JAKMIP2: variants seen among roughly 807,000 people sequenced by gnomAD.
JAKMIP2 encodes janus kinase and microtubule-interacting protein 2.
In JAKMIP2, 25 loss-of-function variants were observed where a neutral mutation model predicts 115.0. The ratio of observed to expected loss-of-function variants is 0.22; its 90% confidence interval spans 0.16 to 0.30. The LOEUF (loss-of-function observed/expected upper bound fraction) is 0.30. Ranked by LOEUF, JAKMIP2 falls within the 10% of genes least tolerant of loss-of-function variation. The probability of loss-of-function intolerance (pLI) is 1.00; values close to 1 mark genes in which losing one functional copy is unlikely to be tolerated. For missense variants in JAKMIP2, 642 were observed against 957.6 expected (o/e 0.67, Z 4.35); for synonymous variants, 334 against 343.6 (o/e 0.97, Z 0.31).
intron 1 of JAKMIP2, among the ~76,000 whole-genome samples, chr5:147,762,349 T>G (rs1284954717): frequency 1.3e-5 from 2 of 152,162 alleles, no homozygotes; most frequent in African/African-American, 2.4e-5. Context: ...TTTCTCCTAT[T>G]ATTTAATGAT....
intron 17 of JAKMIP2, among the ~76,000 whole-genome samples, 188 bp from the exon 18 acceptor site, chr5:147,620,931 G>A (rs992704074): frequency 1.3e-5 from 2 of 152,120 alleles, no homozygotes. Flanking sequence ...GAAAATCAAT[G>A]GAAAGCAGCA....
chr5:147,644,368 A>G (rs964738864), intron 6 of JAKMIP2, among the ~76,000 whole-genome samples, 170 bp from the exon 7 acceptor site: 1 of 152,234 alleles, frequency 6.6e-6, no homozygotes, highest in Admixed American at 6.5e-5. Flanking sequence ...ATCTGCCATA[A>G]TAAGTCATTA....
chr5:147,769,639 T>C (rs1023639954), intron 1 of JAKMIP2, among the ~76,000 whole-genome samples: 3 of 152,066 alleles, frequency 2.0e-5, no homozygotes, highest in Non-Finnish European at 4.4e-5. Context: ...AGAATGTCAA[T>C]TGCATTAATT....
chr5:147,688,117 A>G (rs894936749), intron 1 of JAKMIP2, among the ~76,000 whole-genome samples: 2 of 152,232 alleles, frequency 1.3e-5, no homozygotes, highest in Non-Finnish European at 2.9e-5. Flanking sequence ...GAACTCTCAG[A>G]TGACTTACAA....
At chr5:147,628,059 G>A (rs1757185921) in intron 16 of JAKMIP2, among the ~76,000 whole-genome samples, 1 of 151,140 alleles carries the variant, frequency 6.6e-6, no homozygotes, top group African/African-American at 2.4e-5. Context: ...TGCCTAGGCT[G>A]AAGTACAGTG....
At chr5:147,642,831 G>A (rs866335266) in intron 7 of JAKMIP2, among the ~76,000 whole-genome samples, 12 of 152,226 alleles carry the variant, frequency 7.9e-5, no homozygotes, top group Middle Eastern at 3.4e-3. Flanking sequence ...GAGGTTTAAC[G>A]TTTGAGTCAG....
At chr5:147,670,428 G>T (rs1199612790) in intron 2 of JAKMIP2, among the ~76,000 whole-genome samples, 1 of 152,098 alleles carries the variant, frequency 6.6e-6, no homozygotes, top group Non-Finnish European at 1.5e-5. Flanking sequence ...TCTCTGGTTT[G>T]CAAGGAGCGA....
intron 8 of JAKMIP2, among the ~76,000 whole-genome samples, chr5:147,641,313 A>G (rs937140720): frequency 1.3e-5 from 2 of 152,226 alleles, no homozygotes; most frequent in Non-Finnish European, 2.9e-5. Flanking sequence ...ACAGATATTG[A>G]TGGATTGGGA....
chr5:147,710,009 T>C (rs1752721755), intron 1 of JAKMIP2, among the ~76,000 whole-genome samples: 2 of 152,334 alleles, frequency 1.3e-5, no homozygotes, highest in South Asian at 2.1e-4. Flanking sequence ...AAGGCAATGA[T>C]GTTCTACTTG....
Position 147,627,678 on chromosome 5 carries a change from T to TAAAAAAAAAAAAAAAAAAAAA in JAKMIP2, c.1995+1052_1995+1072dup, listed in dbSNP as rs768481105. 2.8e-5 allele frequency among the ~76,000 whole-genome samples: 2 copies of TAAAAAAAAAAAAAAAAAAAAA among 70,322 alleles called. 1 individual carries two copies. Among genetic ancestry groups the TAAAAAAAAAAAAAAAAAAAAA allele is most frequent in the Non-Finnish European group, 4.9e-5 (2 of 40,516 alleles). The allele number at this position is 70,322 out of a possible 152,430, so 46.1% of individuals were successfully genotyped here. A position where few individuals can be genotyped will look rare whatever the true frequency, so the allele number is the denominator to read the frequency against. On this transcript the variant is annotated intron_variant, in intron 16 of 21. Transcript: ENST00000616793. ...ATCTCTAACAGATAAAGCCTTTCTG[T>TAAAAAAAAAAAAAAAAAAAAA]AAAAAAAAAAAAAAAAAAAAAAAAA...
chr5:147,681,423 A>T lies in JAKMIP2; in HGVS notation c.-148-9469T>A, dbSNP rs935977817. Among the ~76,000 whole-genome samples, 4 of 152,308 alleles carry T rather than the reference A, an allele frequency of 2.6e-5. No homozygotes were observed. In the East Asian group the frequency reaches 5.8e-4, roughly 22 times the overall value. ...CATCCTACTCATCTTTTAGGGCCAG[A>T]TCAAATATCATGTCATACCACTTTT... On this transcript the variant is annotated intron_variant, in intron 1 of 21. Coordinates refer to ENST00000616793, the MANE Select transcript of JAKMIP2 (RefSeq NM_001270941.2).
chr5:147,673,705 G>A (rs1268855888), intron 1 of JAKMIP2, among the ~76,000 whole-genome samples: 1 of 152,030 alleles, frequency 6.6e-6, no homozygotes, highest in South Asian at 2.1e-4. Flanking sequence ...TTTGCTTTTA[G>A]TCTTGGAATG....
intron 1 of JAKMIP2, among the ~76,000 whole-genome samples, chr5:147,745,933 A>T (rs1361784274): frequency 6.6e-6 from 1 of 152,198 alleles, no homozygotes; most frequent in Non-Finnish European, 1.5e-5. Flanking sequence ...AATAGATGTC[A>T]TGGTTTAATA....
intron 18 of JAKMIP2, 65 bp from the exon 19 acceptor site, chr5:147,618,179 A>T (rs1286693847): frequency 8.5e-7 from 1 of 1,169,682 alleles, no homozygotes; most frequent in African/African-American, 1.5e-5. Context: ...GTGGGAGTGT[A>T]TGCTATGTAT....
At chr5:147,637,437 ATTT>A (rs34831610) in intron 10 of JAKMIP2, among the ~76,000 whole-genome samples, 31 of 79,332 alleles carry the variant, frequency 3.9e-4, no homozygotes, top group Admixed American at 4.7e-4. Context: ...AATTCTTTTG[ATTT>A]TTTTTTTTTT....
chr5:147,772,618 G>T (rs1224207418), intron 1 of JAKMIP2, among the ~76,000 whole-genome samples: 1 of 151,534 alleles, frequency 6.6e-6, no homozygotes, highest in Non-Finnish European at 1.5e-5. Context: ...TTGGATAAAA[G>T]TGTGTTTTAA....
In JAKMIP2 at chr5:147,694,993, C is replaced by T. The variant is rs182165990; in HGVS notation, c.-148-23039G>A. On this transcript the variant is annotated intron_variant, in intron 1 of 21. Coordinates refer to ENST00000616793, the MANE Select transcript of JAKMIP2 (RefSeq NM_001270941.2). ...AGGCACAGGATAATAAAAGCACATG[C>T]AAGCGAGCCAATTTGTTTTATATGT... Among the ~76,000 whole-genome samples, 9 of 152,236 alleles carry T rather than the reference C, an allele frequency of 5.9e-5. No homozygotes were observed. The East Asian group carries it at 1.7e-3, about 29-fold the overall frequency.
intron 1 of JAKMIP2, among the ~76,000 whole-genome samples, chr5:147,721,137 G>T (rs1047490301): frequency 6.6e-6 from 1 of 151,804 alleles, no homozygotes; most frequent in African/African-American, 2.4e-5. Flanking sequence ...CCCTGCTGGG[G>T]GGTGCCTCCC....
At chr5:147,684,110 C>T (rs1317175578) in intron 1 of JAKMIP2, among the ~76,000 whole-genome samples, 1 of 152,102 alleles carries the variant, frequency 6.6e-6, no homozygotes, top group African/African-American at 2.4e-5. Context: ...AAAAGCAAGA[C>T]CGTTAGGTTG....
Sources: gnomAD v4.1 joint callset for allele counts (sites outside exome capture counted in the v4.1 genomes callset) on GRCh38, gnomAD v4.1.1 for gene constraint, MANE v1.5 for transcripts, NCBI Gene and HGNC (gene_info 2026-07-23, HGNC 2026-07-21) for gene names.